The following SLC5A1 variants were observed in gnomAD, a reference collection of about 807,000 sequenced individuals.
The protein encoded by SLC5A1 is solute carrier family 5 member 1.
A neutral mutation model predicts 73.5 loss-of-function variants in SLC5A1; 42 were observed. The ratio of observed to expected loss-of-function variants is 0.57; its 90% CI spans 0.45 to 0.74. The LOEUF is 0.74. SLC5A1 is among the 30% of genes least tolerant of loss of function. The pLI, the probability that SLC5A1 is intolerant of heterozygous loss-of-function variation, is 0.00. For synonymous variants in SLC5A1, 300 were observed against 317.4 expected (o/e 0.95, Z 0.58); for missense variants, 634 against 855.4 (o/e 0.74, Z 3.23).
chr22:32,054,794 T>C (rs1260428231), intron 2 of SLC5A1, among the ~76,000 whole-genome samples: 1 of 152,158 alleles, frequency 6.6e-6, no homozygotes, highest in Non-Finnish European at 1.5e-5. Flanking sequence ...TGCCTCAGCC[T>C]CCCTAGTAGC....
At chr22:32,061,202 T>A (rs1275194184) in intron 2 of SLC5A1, among the ~76,000 whole-genome samples, 1 of 152,244 alleles carries the variant, frequency 6.6e-6, no homozygotes, top group Admixed American at 6.5e-5. Flanking sequence ...GGCGGGCAGA[T>A]CACCTGAGGT....
chr22:32,086,959 A>ATTTATG, intron 10 of SLC5A1, among the ~76,000 whole-genome samples: 1 of 152,378 alleles, frequency 6.6e-6, no homozygotes, highest in East Asian at 1.9e-4. Context: ...CATTTATGAC[A>ATTTATG]ACATAAATGA....
intron 13 of SLC5A1, 139 bp from the exon 14 acceptor site, chr22:32,104,647 A>G: frequency 1.4e-6 from 1 of 708,000 alleles, no homozygotes; most frequent in Non-Finnish European, 2.6e-6. Context: ...TATGGATGAG[A>G]ATCGTTGTGT....
At chr22:32,061,720 C>CAAGA (rs2093963384) in intron 2 of SLC5A1, among the ~76,000 whole-genome samples, 1 of 152,176 alleles carries the variant, frequency 6.6e-6, no homozygotes, top group South Asian at 2.1e-4. Context: ...TCCGTACTGC[C>CAAGA]AAGAACTCAT....
chr22:32,095,059 CA>C (rs2094024095), intron 11 of SLC5A1, among the ~76,000 whole-genome samples: 2 of 152,058 alleles, frequency 1.3e-5, no homozygotes, highest in Non-Finnish European at 2.9e-5. Context: ...TCTTTCAGTT[CA>C]AAAAATTTTA....
chr22:32,100,210 C>G (rs966227093), intron 12 of SLC5A1, among the ~76,000 whole-genome samples: 1 of 152,140 alleles, frequency 6.6e-6, no homozygotes, highest in Admixed American at 6.5e-5. Context: ...AAAGGTAGGT[C>G]AGGGTTTCAT....
chr22:32,057,606 G>C (rs1054310033), intron 2 of SLC5A1, among the ~76,000 whole-genome samples: 1 of 152,146 alleles, frequency 6.6e-6, no homozygotes, highest in Non-Finnish European at 1.5e-5. Flanking sequence ...GATCCTGAGT[G>C]TGCACATGCT....
At chr22:32,098,491 C>T (rs1347619887) in intron 11 of SLC5A1, among the ~76,000 whole-genome samples, 1 of 152,164 alleles carries the variant, frequency 6.6e-6, no homozygotes, top group Admixed American at 6.5e-5. Context: ...TCCTATGTCA[C>T]ACAGAAATAA....
At chr22:32,052,348 A>G (rs546913329) in intron 2 of SLC5A1, among the ~76,000 whole-genome samples, 1 of 152,308 alleles carries the variant, frequency 6.6e-6, no homozygotes, top group Non-Finnish European at 1.5e-5. Flanking sequence ...GGTAAAATAT[A>G]TCTGATTTTA....
rs570084483 is a variant in SLC5A1, at chr22:32,091,837, G to C, written c.1280+75G>C. The C allele has an allele frequency of 9.2e-5, 139 of 1,515,296 alleles. No homozygotes were observed. In the South Asian group the frequency reaches 1.5e-3, roughly 16 times the overall value. The allele number at this position is 1,515,296 out of a possible 1,614,324, so 93.9% of individuals were successfully genotyped here. A position where few individuals can be genotyped will look rare whatever the true frequency, so the allele number is the denominator to read the frequency against. ...TCCATCTGTGTTACCCCTCAAGCTA[G>C]GGAAGGTTGGCAGATGCCTGGGTAG... is the stretch of plus-strand genomic sequence containing the variant. On this transcript the variant is annotated intron_variant, in intron 11 of 14. Coordinates refer to ENST00000266088, the MANE Select transcript of SLC5A1 (RefSeq NM_000343.4).
chr22:32,096,076 C>A (rs1295005424), intron 11 of SLC5A1, among the ~76,000 whole-genome samples: 1 of 152,130 alleles, frequency 6.6e-6, no homozygotes, highest in Non-Finnish European at 1.5e-5. Context: ...ATCCTCTTGG[C>A]TTTCCTGGTA....
intron 10 of SLC5A1, among the ~76,000 whole-genome samples, chr22:32,090,967 T>C (rs865983372): frequency 6.6e-6 from 1 of 152,194 alleles, no homozygotes; most frequent in African/African-American, 2.4e-5. Context: ...TATCCCACTA[T>C]GGCTTTGATT....
intron 3 of SLC5A1, 27 bp downstream of exon 3, chr22:32,067,066 C>CCA: frequency 6.5e-7 from 1 of 1,528,920 alleles, no homozygotes; most frequent in Non-Finnish European, 9.1e-7. Context: ...CCATGGTGCA[C>CCA]TGGGGCTGGA....
intron 2 of SLC5A1, among the ~76,000 whole-genome samples, chr22:32,058,813 A>G (rs1466105319): frequency 6.6e-6 from 1 of 152,196 alleles, no homozygotes. Context: ...GCCACTTCAT[A>G]GTCTCCAGTA....
chr22:32,108,288 A>G (rs1364239640), intron 14 of SLC5A1, among the ~76,000 whole-genome samples: 5 of 152,046 alleles, frequency 3.3e-5, no homozygotes, highest in Non-Finnish European at 5.9e-5. Context: ...TTTTTAGTAG[A>G]GACGGAGCTT....
intron 10 of SLC5A1, among the ~76,000 whole-genome samples, chr22:32,089,284 T>C (rs1030372189): frequency 7.2e-5 from 11 of 152,218 alleles, no homozygotes; most frequent in African/African-American, 2.6e-4. Flanking sequence ...GAAAGAGCCA[T>C]TAAAAAAACC....
intron 11 of SLC5A1, among the ~76,000 whole-genome samples, chr22:32,098,779 T>C (rs1472556989): frequency 6.6e-6 from 1 of 152,164 alleles, no homozygotes; most frequent in Non-Finnish European, 1.5e-5. Flanking sequence ...ATATGTATAA[T>C]ACATAGCAAT....
chr22:32,060,061 A>G (rs2093958566), intron 2 of SLC5A1, among the ~76,000 whole-genome samples: 1 of 150,472 alleles, frequency 6.6e-6, no homozygotes, highest in Non-Finnish European at 1.5e-5. Flanking sequence ...ACATATATAC[A>G]CACACATATA....
chr22:32,062,811 A>G (rs1039824585), intron 2 of SLC5A1, among the ~76,000 whole-genome samples: 1 of 152,212 alleles, frequency 6.6e-6, no homozygotes, highest in African/African-American at 2.4e-5. Context: ...GTGGCAGTGT[A>G]AAAACCTGGC....
Sources: allele counts gnomAD v4.1 joint callset (sites outside exome capture counted in the v4.1 genomes callset), GRCh38; gene constraint gnomAD v4.1.1; transcripts MANE v1.5; gene names NCBI Gene and HGNC (gene_info 2026-07-23, HGNC 2026-07-21).